The following NWD2 variants were observed in gnomAD, a reference collection of about 807,000 sequenced individuals.
NWD2 encodes NACHT and WD repeat domain-containing protein 2.
NWD2 carries 37 observed loss-of-function variants against 132.7 expected under a neutral mutation model. The ratio of observed to expected loss-of-function variants is 0.28; its 90% CI spans 0.21 to 0.37. NWD2 has a LOEUF of 0.37. Among genes scored for constraint, NWD2 ranks in the 10% least tolerant of loss-of-function variants. The pLI is 1.00. For missense variants in NWD2, 1,592 were observed against 2,122.4 expected (o/e 0.75, Z 4.91); for synonymous variants, 705 against 803.0 (o/e 0.88, Z 2.06).
intron 1 of NWD2, among the ~76,000 whole-genome samples, chr4:37,321,777 C>G (rs565074775): frequency 5.3e-5 from 8 of 152,020 alleles, no homozygotes; most frequent in Non-Finnish European, 1.0e-4. Context: ...ATTTTCAGAG[C>G]CAATCATATA....
At chr4:37,421,195 T>G (rs2928288) in intron 3 of NWD2, among the ~76,000 whole-genome samples, 40,255 of 152,124 alleles carry the variant, frequency 0.26, 5,737 homozygotes, top group South Asian at 0.33. Context: ...TTTTCCCAAT[T>G]AATTCTTTCT....
intron 1 of NWD2, among the ~76,000 whole-genome samples, chr4:37,266,072 C>T (rs564975057): frequency 1.6e-4 from 25 of 152,212 alleles, no homozygotes; most frequent in African/African-American, 4.8e-4. Context: ...CCTTTCCCTC[C>T]CCTCTGTCTT....
intron 1 of NWD2, among the ~76,000 whole-genome samples, chr4:37,263,918 T>A (rs1486019283): frequency 6.6e-6 from 1 of 152,176 alleles, no homozygotes; most frequent in African/African-American, 2.4e-5. Context: ...TCAATGCCTG[T>A]GAATAGTGAG....
At chr4:37,275,140 G>T (rs1262467905) in intron 1 of NWD2, among the ~76,000 whole-genome samples, 1 of 152,166 alleles carries the variant, frequency 6.6e-6, no homozygotes, top group Non-Finnish European at 1.5e-5. Flanking sequence ...AAGTCAAATT[G>T]TCCCTGTTTG....
chr4:37,353,794 T>C (rs1309636866), intron 2 of NWD2, among the ~76,000 whole-genome samples: 1 of 152,124 alleles, frequency 6.6e-6, no homozygotes, highest in Non-Finnish European at 1.5e-5. Context: ...TGGAACATGC[T>C]CCTTTAGCTT....
intron 1 of NWD2, among the ~76,000 whole-genome samples, chr4:37,265,426 C>T (rs936603048): frequency 6.6e-6 from 1 of 152,110 alleles, no homozygotes; most frequent in South Asian, 2.1e-4. Flanking sequence ...CAAGCTAGCA[C>T]AAAGTTATTG....
intron 2 of NWD2, among the ~76,000 whole-genome samples, chr4:37,343,263 TC>T (rs1478709455): frequency 1.3e-5 from 2 of 152,254 alleles, no homozygotes; most frequent in Admixed American, 6.5e-5. Context: ...AGTGCTATCT[TC>T]ACCACTGTAT....
chr4:37,301,778 T>A (rs1194678285), intron 1 of NWD2, among the ~76,000 whole-genome samples: 1 of 152,096 alleles, frequency 6.6e-6, no homozygotes, highest in African/African-American at 2.4e-5. Context: ...TTTCAGATAA[T>A]TTTGTATGTG....
At position 37,445,578 on chromosome 4, in the gene NWD2, T is replaced by G; in HGVS notation, c.3590T>G (p.Leu1197Arg). ...REDSEVVSIE[L>R]SEDQSAVLIC... Reference sequence around the variant, plus strand: ...GACAGTGAGGTGGTCAGCATTGAGCTTTCAGAAGACCAAAGTGCAGTTCTG... The same window carrying G: ...GACAGTGAGGTGGTCAGCATTGAGCGTTCAGAAGACCAAAGTGCAGTTCTG... Residue 1197 changes from leucine (L) to arginine (R), a missense_variant, in exon 7 of 7, where the codon CTT (leucine) becomes CGT (arginine). By Grantham distance (102) the Leu-to-Arg change is moderately radical. Coordinates refer to ENST00000309447, the MANE Select transcript of NWD2 (RefSeq NM_001144990.2). The surrounding 1 kb of genome is among the most constrained non-coding windows in gnomAD (Gnocchi z 4.7). 1 of 1,552,254 alleles carries G rather than the reference T, an allele frequency of 6.4e-7. No individual in the cohort carries two copies. Among genetic ancestry groups the G allele is most frequent in the Non-Finnish European group, 8.7e-7 (1 of 1,147,128 alleles).
intron 3 of NWD2, among the ~76,000 whole-genome samples, chr4:37,409,324 T>A (rs1260747532): frequency 6.6e-6 from 1 of 151,804 alleles, no homozygotes; most frequent in Non-Finnish European, 1.5e-5. Context: ...AATGACCTGA[T>A]GGATCTGAAA....
chr4:37,337,170 A>G (rs1034948341), intron 2 of NWD2, among the ~76,000 whole-genome samples: 4 of 152,322 alleles, frequency 2.6e-5, no homozygotes, highest in African/African-American at 9.6e-5. Context: ...TGCCTGCTGT[A>G]TTAATCTTGA....
At chr4:37,391,585 G>C (rs1391831418) in intron 3 of NWD2, among the ~76,000 whole-genome samples, 4 of 152,202 alleles carry the variant, frequency 2.6e-5, no homozygotes, top group Admixed American at 2.6e-4. Context: ...AGATATGCTG[G>C]TATGTGGGGA....
intron 1 of NWD2, among the ~76,000 whole-genome samples, chr4:37,256,202 A>G (rs1406603330): frequency 3.9e-5 from 6 of 152,182 alleles, no homozygotes; most frequent in Admixed American, 3.9e-4. Flanking sequence ...TGTGTGCAGT[A>G]TATATGTGAC....
At chr4:37,375,730 G>A (rs1720334526) in intron 3 of NWD2, among the ~76,000 whole-genome samples, 1 of 151,980 alleles carries the variant, frequency 6.6e-6, no homozygotes, top group Non-Finnish European at 1.5e-5. Flanking sequence ...CACCATGCCT[G>A]GCTAATTTAT....
At chr4:37,306,159 T>G (rs1718704523) in intron 1 of NWD2, among the ~76,000 whole-genome samples, 1 of 152,156 alleles carries the variant, frequency 6.6e-6, no homozygotes, top group Non-Finnish European at 1.5e-5. Flanking sequence ...GTAAAGATCC[T>G]TTTTGTGTCT....
rs1375614019 is a variant in NWD2 at position 37,445,131 on chromosome 4, A to G, written c.3143A>G (p.Glu1048Gly). The G allele has an allele frequency of 6.4e-7, 1 of 1,551,994 alleles. No homozygotes were observed. The highest frequency in any genetic ancestry group is 8.7e-7 in the Non-Finnish European group (1 of 1,147,100). ...NVNSCLLSEV[E>G]IKGTKHGSSA... ...AATTCTTGCCTCCTGTCTGAAGTAG[A>G]AATCAAGGGGACCAAGCATGGAAGC... The change falls in exon 7 of 7, where the codon GAA (glutamate) becomes GGA (glycine). Residue 1048 changes from glutamate (E) to glycine (G), a missense_variant. This residue lies in a region of NWD2 where 1,071 missense variants were observed against 1,398.0 expected (regional missense o/e 0.77). Transcript: ENST00000309447. This position sits in a 1 kb window ranked among gnomAD's most constrained non-coding sequence, Gnocchi z 4.7.
rs578171234 is a variant in NWD2, at chr4:37,303,046, T to A, written c.152-22890T>A. Among the ~76,000 whole-genome samples, 30 of 152,310 alleles carry A rather than the reference T, an allele frequency of 2.0e-4. No individual in the cohort carries two copies. The South Asian group carries it at 2.1e-3, about 11-fold the overall frequency. ...CTTTGCTTAGATCAGTGTCCTTAAG[T>A]ATTTCCCTTTTGTTTTCTTCTAGTA... On this transcript the variant is annotated intron_variant, in intron 1 of 6. Transcript: ENST00000309447.
At chr4:37,421,870 T>C (rs1560251655) in intron 3 of NWD2, among the ~76,000 whole-genome samples, 1 of 152,114 alleles carries the variant, frequency 6.6e-6, no homozygotes, top group Admixed American at 6.5e-5. Flanking sequence ...GTCTGGGAAC[T>C]GGAAGTTTAA....
intron 1 of NWD2, among the ~76,000 whole-genome samples, chr4:37,306,528 T>G (rs1277241769): frequency 6.6e-6 from 1 of 152,204 alleles, no homozygotes; most frequent in Admixed American, 6.5e-5. Flanking sequence ...TTGAAGAAAC[T>G]TTCTTATTTT....
Sources: allele counts gnomAD v4.1 joint callset (sites outside exome capture counted in the v4.1 genomes callset), GRCh38; gene constraint gnomAD v4.1.1; regional missense constraint gnomAD v4.1.1; non-coding constraint Gnocchi (gnomAD v3.1); transcripts MANE v1.5; gene names NCBI Gene and HGNC (gene_info 2026-07-23, HGNC 2026-07-21).